The following GALNT14 variants were observed in gnomAD, a reference collection of about 807,000 sequenced individuals.
The protein encoded by GALNT14 is UDP-GalNAc:polypeptide N-acetylgalactosaminyltransferase 14.
GALNT14 carries 60 observed loss-of-function variants against 77.5 expected under a neutral mutation model. The ratio of observed to expected loss-of-function variants is 0.77; its 90% confidence interval spans 0.63 to 0.96. GALNT14 has a LOEUF of 0.96. GALNT14 is among the 40% of genes least tolerant of loss of function. The pLI, the probability that GALNT14 is intolerant of heterozygous loss-of-function variation, is 0.00. For missense variants in GALNT14, 710 were observed against 731.0 expected, an observed-to-expected ratio of 0.97 and a Z score of 0.33; for synonymous variants, 280 against 281.7, an observed-to-expected ratio of 0.99 and a Z score of 0.06.
chr2:30,966,266 G>A lies in GALNT14; in HGVS notation c.336C>T (p.Pro112=). 1 of 1,614,000 alleles carries A rather than the reference G, an allele frequency of 6.2e-7. No homozygotes were observed. The highest frequency in any genetic ancestry group is 8.5e-7 in the Non-Finnish European group (1 of 1,179,926). Residue 112 remains proline, a synonymous_variant, in exon 3 of 15, where the codon CCC becomes CCT. Coordinates refer to ENST00000349752, the MANE Select transcript of GALNT14 (RefSeq NM_024572.4). ...TLLVYCTDLP[P]TSIIITFHNE... ...TGTGGAAGGTGATGATGATGCTAGTGGGTGGAAGGTCCGTGCAATACACCA... is the reference window on the plus strand; with the variant it reads ...TGTGGAAGGTGATGATGATGCTAGTAGGTGGAAGGTCCGTGCAATACACCA...
At chr2:31,101,157 C>T (rs570356498) in intron 1 of GALNT14, among the ~76,000 whole-genome samples, 2 of 152,106 alleles carry the variant, frequency 1.3e-5, no homozygotes, top group African/African-American at 4.8e-5. Flanking sequence ...TGAAGTTTCT[C>T]AAAGCTCTTT....
intron 13 of GALNT14, among the ~76,000 whole-genome samples, chr2:30,916,504 G>A (rs1158248892): frequency 6.6e-6 from 1 of 152,216 alleles, no homozygotes; most frequent in Admixed American, 6.5e-5. Flanking sequence ...ACTGGGATAG[G>A]CCAGCTGGGG....
intron 1 of GALNT14, among the ~76,000 whole-genome samples, chr2:31,023,909 C>A (rs1671885241): frequency 6.6e-6 from 1 of 152,114 alleles, no homozygotes; most frequent in South Asian, 2.1e-4. Context: ...AGGTGACTCC[C>A]AAATTTATAT....
intron 3 of GALNT14, among the ~76,000 whole-genome samples, chr2:30,961,082 C>T (rs905327576): frequency 2.6e-5 from 4 of 152,228 alleles, no homozygotes; most frequent in Non-Finnish European, 5.9e-5. Context: ...GCAGTGTAGG[C>T]TCAGAGGCCA....
At chr2:30,958,725 AC>A (rs1667513746) in intron 3 of GALNT14, among the ~76,000 whole-genome samples, 1 of 152,004 alleles carries the variant, frequency 6.6e-6, no homozygotes, top group Non-Finnish European at 1.5e-5. Context: ...ACTCCCTGAA[AC>A]CCCACAGCAA....
At chr2:31,010,473 G>T (rs1019272521) in intron 1 of GALNT14, among the ~76,000 whole-genome samples, 10 of 152,200 alleles carry the variant, frequency 6.6e-5, no homozygotes, top group Non-Finnish European at 2.9e-5. Context: ...AAATTAGCCG[G>T]GCGGGGTGGT....
chr2:31,128,995 G>A (rs1678841923), intron 1 of GALNT14, among the ~76,000 whole-genome samples: 1 of 150,188 alleles, frequency 6.7e-6, no homozygotes, highest in South Asian at 2.1e-4. Context: ...ACAAAGCAAT[G>A]CTGGTGTTTC....
chr2:30,920,375 T>A (rs1342125837), intron 13 of GALNT14, among the ~76,000 whole-genome samples: 1 of 152,136 alleles, frequency 6.6e-6, no homozygotes, highest in Non-Finnish European at 1.5e-5. Context: ...CAGAGAAGAC[T>A]GAACAAACCA....
At chr2:30,958,736 A>G (rs1035229618) in intron 3 of GALNT14, among the ~76,000 whole-genome samples, 11 of 152,030 alleles carry the variant, frequency 7.2e-5, no homozygotes, top group African/African-American at 2.7e-4. Context: ...CCCCACAGCA[A>G]ATCAGTAAAG....
intron 1 of GALNT14, among the ~76,000 whole-genome samples, chr2:31,072,122 G>A (rs960728131): frequency 6.6e-6 from 1 of 152,162 alleles, no homozygotes; most frequent in Non-Finnish European, 1.5e-5. Context: ...AGCATTTCAA[G>A]ATGGAAGGGT....
downstream of GALNT14, among the ~76,000 whole-genome samples, chr2:30,908,371 A>C (rs1210177559): frequency 6.6e-6 from 1 of 151,750 alleles, no homozygotes; most frequent in Non-Finnish European, 1.5e-5. Flanking sequence ...CTCAGGATAC[A>C]AAATCAATGT....
chr2:31,130,424 C>A (rs1236791954), intron 1 of GALNT14, among the ~76,000 whole-genome samples: 1 of 152,198 alleles, frequency 6.6e-6, no homozygotes, highest in Non-Finnish European at 1.5e-5. Flanking sequence ...TCCCAGGACC[C>A]TGGGGCTGTA....
chr2:30,928,837 A>C (rs1665547843), intron 11 of GALNT14, among the ~76,000 whole-genome samples: 1 of 152,116 alleles, frequency 6.6e-6, no homozygotes, highest in Non-Finnish European at 1.5e-5. Context: ...GGCGGGTCTC[A>C]GACTCCTGAC....
rs377540845 is a variant in GALNT14, at chr2:30,942,723, C to T, written c.828-419G>A. 1.9e-3 allele frequency among the ~76,000 whole-genome samples: 291 copies of T among 152,298 alleles called. 4 individuals carry two copies. The highest frequency in any genetic ancestry group is 6.7e-3 in the African/African-American group (277 of 41,582). Reference sequence around the variant, plus strand: ...AGAAGGGACAGTGGGCTACCGACCACGCAGAGGAGAAGGGCTGAGGCGGCA... The same window carrying T: ...AGAAGGGACAGTGGGCTACCGACCATGCAGAGGAGAAGGGCTGAGGCGGCA... On this transcript the variant is annotated intron_variant, in intron 8 of 14. Transcript: ENST00000349752.
intron 1 of GALNT14, among the ~76,000 whole-genome samples, chr2:31,121,775 T>A (rs568146684): frequency 1.8e-4 from 27 of 152,232 alleles, no homozygotes; most frequent in Middle Eastern, 3.4e-3. Flanking sequence ...CTCAACTGCA[T>A]CATAACATGG....
At chr2:30,914,145 T>C (rs558873853) in intron 13 of GALNT14, among the ~76,000 whole-genome samples, 7 of 152,178 alleles carry the variant, frequency 4.6e-5, no homozygotes, top group Non-Finnish European at 8.8e-5. Context: ...TTTACACAGA[T>C]TGATTAATTT....
chr2:31,120,405 CA>C (rs1445375299), intron 1 of GALNT14, among the ~76,000 whole-genome samples: 1 of 152,148 alleles, frequency 6.6e-6, no homozygotes, highest in East Asian at 1.9e-4. Context: ...GGGGGTGAAG[CA>C]GAGGGTGGTG....
At chr2:31,072,587 C>T (rs949894479) in intron 1 of GALNT14, among the ~76,000 whole-genome samples, 3 of 152,086 alleles carry the variant, frequency 2.0e-5, no homozygotes, top group Non-Finnish European at 4.4e-5. Flanking sequence ...CCTGGAACTC[C>T]TGCAGGTGAA....
chr2:30,987,799 C>T (rs1479970813), intron 2 of GALNT14, among the ~76,000 whole-genome samples: 1 of 151,348 alleles, frequency 6.6e-6, no homozygotes, highest in Non-Finnish European at 1.5e-5. Context: ...CTCACCCCAA[C>T]ACCCGCCCTC....
Sources: gnomAD v4.1 joint callset for allele counts (sites outside exome capture counted in the v4.1 genomes callset) on GRCh38, gnomAD v4.1.1 for gene constraint, MANE v1.5 for transcripts, NCBI Gene and HGNC (gene_info 2026-07-23, HGNC 2026-07-21) for gene names.